The following TBC1D5 variants were observed in gnomAD, a reference collection of about 807,000 sequenced individuals.
The protein encoded by TBC1D5 is TBC1 domain family member 5.
TBC1D5 carries 75 observed loss-of-function variants against 100.3 expected under a neutral mutation model. The ratio of observed to expected loss-of-function variants is 0.75; its 90% CI spans 0.62 to 0.91. The LOEUF is 0.91. Ranked by LOEUF, TBC1D5 falls within the 40% of genes least tolerant of loss-of-function variation. The pLI is 0.00. For synonymous variants in TBC1D5, 323 were observed against 325.6 expected, an observed-to-expected ratio of 0.99 and a Z score of 0.09; for missense variants, 910 against 942.4, an observed-to-expected ratio of 0.97 and a Z score of 0.45.
At chr3:17,298,248 A>G (rs912299725) in intron 14 of TBC1D5, among the ~76,000 whole-genome samples, 1 of 152,232 alleles carries the variant, frequency 6.6e-6, no homozygotes, top group Non-Finnish European at 1.5e-5. Context: ...AAGTGCTGAC[A>G]ATATCTTTTT....
At chr3:17,357,878 A>G (rs2091358732) in intron 13 of TBC1D5, among the ~76,000 whole-genome samples, 1 of 152,194 alleles carries the variant, frequency 6.6e-6, no homozygotes, top group African/African-American at 2.4e-5. Flanking sequence ...AAGATACTTT[A>G]TAAATATTAC....
chr3:17,375,227 C>A (rs1258958658), intron 10 of TBC1D5, among the ~76,000 whole-genome samples: 2 of 151,914 alleles, frequency 1.3e-5, no homozygotes, highest in Non-Finnish European at 2.9e-5. Flanking sequence ...ATTCTACATG[C>A]ACATTTTTTA....
At chr3:17,547,849 T>C (rs905282320) in intron 2 of TBC1D5, among the ~76,000 whole-genome samples, 19 of 152,242 alleles carry the variant, frequency 1.2e-4, no homozygotes, top group African/African-American at 4.6e-4. Flanking sequence ...TTATACTTCC[T>C]CACTCTTCTC....
intron 1 of TBC1D5, among the ~76,000 whole-genome samples, chr3:17,648,949 C>T (rs1368638268): frequency 1.3e-5 from 2 of 152,132 alleles, no homozygotes; most frequent in Non-Finnish European, 2.9e-5. Flanking sequence ...AGCAGAACTA[C>T]CATTCAATCC....
intron 1 of TBC1D5, among the ~76,000 whole-genome samples, chr3:17,704,950 T>C (rs1260408403): frequency 3.2e-3 from 215 of 66,634 alleles, no homozygotes; most frequent in East Asian, 6.3e-3. Context: ...TAGGGGCGGC[T>C]GGGCAGAGGC....
rs185178100 is a variant in TBC1D5 at position 17,604,120 on chromosome 3, C to A, written c.-36+19729G>T. 3.5e-3 allele frequency among the ~76,000 whole-genome samples: 532 copies of A among 151,944 alleles called. 4 individuals carry two copies. The highest frequency in any genetic ancestry group is 0.012 in the African/African-American group (504 of 41,434). ...TAGCACCACCATACCTAGCTAATTT[C>A]TTTGTTTTGTTTTGTTTTTTGTAGA... On this transcript the variant is annotated intron_variant, in intron 2 of 21. Coordinates refer to ENST00000253692, the Ensembl canonical transcript of TBC1D5.
chr3:17,249,968 C>A (rs1272073126), intron 16 of TBC1D5, among the ~76,000 whole-genome samples: 3 of 152,128 alleles, frequency 2.0e-5, no homozygotes, highest in Non-Finnish European at 2.9e-5. Context: ...TGAAATAGTG[C>A]TAGAATTACC....
At chr3:17,212,851 T>TA (rs1559419268) in intron 18 of TBC1D5, among the ~76,000 whole-genome samples, 1 of 152,144 alleles carries the variant, frequency 6.6e-6, no homozygotes, top group South Asian at 2.1e-4. Context: ...AATCAAAAAT[T>TA]AAAAAAATAA....
chr3:17,285,248 C>CTTTTT (rs373843978), intron 15 of TBC1D5, among the ~76,000 whole-genome samples: 12 of 104,700 alleles, frequency 1.1e-4, no homozygotes, highest in Non-Finnish European at 1.9e-4. Flanking sequence ...ATTTTAGATT[C>CTTTTT]TTTTTTTTTT....
intron 2 of TBC1D5, among the ~76,000 whole-genome samples, chr3:17,620,284 A>AT (rs2062547343): frequency 6.6e-6 from 1 of 152,166 alleles, no homozygotes; most frequent in African/African-American, 2.4e-5. Context: ...CGGGCTTAGT[A>AT]TTTGCCCCTT....
At chr3:17,695,233 T>A (rs1400088672) in intron 1 of TBC1D5, among the ~76,000 whole-genome samples, 1 of 152,130 alleles carries the variant, frequency 6.6e-6, no homozygotes, top group Non-Finnish European at 1.5e-5. Flanking sequence ...CAGGATCAAA[T>A]TCACACATAA....
At chr3:17,452,908 G>A (rs2094960006) in intron 3 of TBC1D5, among the ~76,000 whole-genome samples, 1 of 151,682 alleles carries the variant, frequency 6.6e-6, no homozygotes, top group Admixed American at 6.6e-5. Flanking sequence ...TAGACCATAT[G>A]TTAGTTTACA....
intron 2 of TBC1D5, among the ~76,000 whole-genome samples, chr3:17,567,187 T>A (rs948527723): frequency 6.6e-6 from 1 of 151,726 alleles, no homozygotes; most frequent in Non-Finnish European, 1.5e-5. Context: ...TAAATAGACA[T>A]CTCTCATCTC....
At chr3:17,435,991 C>T (rs115924907) in intron 3 of TBC1D5, among the ~76,000 whole-genome samples, 13 of 152,060 alleles carry the variant, frequency 8.5e-5, no homozygotes, top group Non-Finnish European at 1.5e-4. Flanking sequence ...GAAGAGGTTT[C>T]GAATTTTTAG....
intron 1 of TBC1D5, among the ~76,000 whole-genome samples, chr3:17,688,556 A>G (rs540045464): frequency 6.6e-6 from 1 of 152,344 alleles, no homozygotes; most frequent in East Asian, 1.9e-4. Flanking sequence ...GGCATGGAGC[A>G]TCTACATCTG....
At position 17,363,636 on chromosome 3, in the gene TBC1D5, C is replaced by T. The variant is rs924165437; in HGVS notation, c.995+8439G>A. ...ACCTTGCCCCCAGCCTGATCTCAAACTCCTGGCCTCAAGATATCTTCCCGC... is the reference window on the plus strand; with the variant it reads ...ACCTTGCCCCCAGCCTGATCTCAAATTCCTGGCCTCAAGATATCTTCCCGC... On this transcript the variant is annotated intron_variant, in intron 13 of 21. Coordinates refer to ENST00000253692, the Ensembl canonical transcript of TBC1D5. 2.0e-5 allele frequency among the ~76,000 whole-genome samples: 3 copies of T among 151,438 alleles called. 1 individual carries two copies. Among genetic ancestry groups the T allele is most frequent in the Admixed American group, 2.0e-4 (3 of 15,206 alleles).
At chr3:17,203,278 G>T (rs2071711970) in intron 18 of TBC1D5, among the ~76,000 whole-genome samples, 1 of 152,206 alleles carries the variant, frequency 6.6e-6, no homozygotes, top group Admixed American at 6.5e-5. Context: ...TGTTTTGGCT[G>T]ATTTCTCCCT....
In TBC1D5 at chr3:17,245,023, A is replaced by T. The variant is rs997684809; in HGVS notation, c.1332-6604T>A. Among the ~76,000 whole-genome samples the T allele has an allele frequency of 7.3e-5, 7 of 96,068 alleles. No homozygotes were observed. In the East Asian group the frequency reaches 1.9e-3, roughly 26 times the overall value. The allele number at this position is 96,068 out of a possible 152,430, so 63.0% of individuals were successfully genotyped here. ...CGATATAGTGAGACCCTGTCTCTAC[A>T]AAAAAAAAAAAAAAAAAAAAAAAGC... On this transcript the variant is annotated intron_variant, in intron 16 of 21. Coordinates refer to ENST00000253692, the Ensembl canonical transcript of TBC1D5.
intron 14 of TBC1D5, among the ~76,000 whole-genome samples, 173 bp from the exon 15 acceptor site, chr3:17,292,174 C>T (rs1375167469): frequency 1.3e-5 from 2 of 152,176 alleles, no homozygotes; most frequent in African/African-American, 4.8e-5. Flanking sequence ...TGAAGGAACA[C>T]ATTGTATTGT....
Sources: gnomAD v4.1 joint callset for allele counts (sites outside exome capture counted in the v4.1 genomes callset) on GRCh38, gnomAD v4.1.1 for gene constraint, MANE v1.5 for transcripts, NCBI Gene and HGNC (gene_info 2026-07-23, HGNC 2026-07-21) for gene names.